The following SCAF8 variants were observed in gnomAD, a reference collection of about 807,000 sequenced individuals.
SCAF8 encodes SR-related CTD associated factor 8, also known as SR-related and CTD-associated factor 8.
Under a neutral mutation model 140.5 loss-of-function variants are expected in SCAF8, and 23 were observed. The ratio of observed to expected loss-of-function variants is 0.16; its 90% CI spans 0.12 to 0.23. The LOEUF (loss-of-function observed/expected upper bound fraction) is 0.23, where lower values mean the gene tolerates loss of function less well. Among genes scored for constraint, SCAF8 ranks in the 10% least tolerant of loss-of-function variants. SCAF8 has a pLI of 1.00. For missense variants in SCAF8, 1,397 were observed against 1,555.7 expected (o/e 0.90, Z 1.72); for synonymous variants, 575 against 528.9 (o/e 1.09, Z -1.20).
intron 15 of SCAF8, 37 bp from the exon 16 acceptor site, chr6:154,822,239 C>A: frequency 6.4e-7 from 1 of 1,571,290 alleles, no homozygotes. Flanking sequence ...AAAGTTGCAC[C>A]TATCCAAAGG....
At chr6:154,802,687 A>G (rs1324229321) in intron 7 of SCAF8, among the ~76,000 whole-genome samples, 1 of 152,186 alleles carries the variant, frequency 6.6e-6, no homozygotes, top group African/African-American at 2.4e-5. Context: ...AAAAATAACT[A>G]GTCAGTAAAA....
intron 18 of SCAF8, among the ~76,000 whole-genome samples, chr6:154,827,841 G>GT (rs1778612730): frequency 6.9e-6 from 1 of 145,742 alleles, no homozygotes; most frequent in Non-Finnish European, 1.6e-5. Flanking sequence ...GGGCGGGGGG[G>GT]GGGGCGGTGT....
chr6:154,767,698 C>T (rs1477290416), intron 1 of SCAF8, among the ~76,000 whole-genome samples: 1 of 151,842 alleles, frequency 6.6e-6, no homozygotes, highest in Non-Finnish European at 1.5e-5. Context: ...CCATGCCTGG[C>T]TAATATTTTT....
intron 1 of SCAF8, among the ~76,000 whole-genome samples, chr6:154,734,662 G>C (rs1582985467): frequency 6.6e-6 from 1 of 152,164 alleles, no homozygotes. Flanking sequence ...TTAAAAAGCA[G>C]ATTCCATTTT....
In SCAF8 at chr6:154,808,708, A is replaced by G. The variant is rs752188880; in HGVS notation, c.1136A>G (p.Gln379Arg). ...AAGGATATGGATATAGATGAAGGGC[A>G]AGATGGAGTGGAAGAGGAGGTCTTT... ...QQQDMDIDEG[Q>R]DGVEEEVFEQ... Residue 379 changes from glutamine to arginine, a missense_variant, in exon 11 of 20, where the codon CAA (glutamine) becomes CGA (arginine). Gln to Arg is a conservative substitution (Grantham distance 43, BLOSUM62 1). This residue lies in a region of SCAF8 where 339 missense variants were observed against 407.5 expected (regional missense o/e 0.83). Coordinates refer to ENST00000367178, the MANE Select transcript of SCAF8 (RefSeq NM_014892.5). 6.2e-7 allele frequency: 1 copy of G among 1,613,010 alleles called. No homozygotes were observed. The highest frequency in any genetic ancestry group is 2.2e-5 in the East Asian group (1 of 44,874).
chr6:154,784,500 C>T (rs1055846047), intron 3 of SCAF8, among the ~76,000 whole-genome samples: 4 of 152,054 alleles, frequency 2.6e-5, no homozygotes, highest in Non-Finnish European at 5.9e-5. Context: ...GTCACTCTTC[C>T]GTTTCTGTGG....
Position 154,784,117 on chromosome 6 carries a change from T to TGAGA in SCAF8, c.160-3743_160-3740dup, listed in dbSNP as rs1476096909. ...TTATATTTACTTATCTCTGGTGTCT[T>TGAGA]GAGATATATATATATATATATATAT... On this transcript the variant is annotated intron_variant, in intron 3 of 19. Coordinates refer to ENST00000367178, the MANE Select transcript of SCAF8 (RefSeq NM_014892.5). Among the ~76,000 whole-genome samples the TGAGA allele has an allele frequency of 8.7e-3, 769 of 88,624 alleles. 6 individuals carry two copies. The highest frequency in any genetic ancestry group is 0.013 in the Non-Finnish European group (601 of 45,312). The allele number at this position is 88,624 out of a possible 152,430, so 58.1% of individuals were successfully genotyped here.
At chr6:154,748,126 T>C (rs971628007) in intron 1 of SCAF8, among the ~76,000 whole-genome samples, 6 of 152,214 alleles carry the variant, frequency 3.9e-5, no homozygotes, top group African/African-American at 1.4e-4. Context: ...TAATATTTAT[T>C]TGAAAGTGAT....
At chr6:154,770,730 C>A (rs1004011370) in intron 1 of SCAF8, among the ~76,000 whole-genome samples, 8 of 152,100 alleles carry the variant, frequency 5.3e-5, no homozygotes, top group Admixed American at 5.2e-4. Flanking sequence ...AGCAGTTGGT[C>A]TTTGGTTAAA....
At chr6:154,734,260 G>A (rs1446647941) in intron 1 of SCAF8, among the ~76,000 whole-genome samples, 1 of 152,174 alleles carries the variant, frequency 6.6e-6, no homozygotes, top group Non-Finnish European at 1.5e-5. Context: ...TTCCGCCGAG[G>A]CCTGGCCCGC....
chr6:154,770,437 C>T (rs751051695), intron 1 of SCAF8, among the ~76,000 whole-genome samples: 5 of 149,994 alleles, frequency 3.3e-5, no homozygotes, highest in South Asian at 2.1e-4. Flanking sequence ...TTGAGTGTGG[C>T]GGTCCGTGCC....
At chr6:154,746,549 G>C (rs1047744165) in intron 1 of SCAF8, among the ~76,000 whole-genome samples, 1 of 152,042 alleles carries the variant, frequency 6.6e-6, no homozygotes, top group Non-Finnish European at 1.5e-5. Context: ...GTTTGTCTTC[G>C]ACAGCAAGAA....
intron 7 of SCAF8, among the ~76,000 whole-genome samples, chr6:154,803,327 CATA>C (rs781111032): frequency 1.3e-5 from 2 of 152,032 alleles, no homozygotes; most frequent in Non-Finnish European, 2.9e-5. Flanking sequence ...CTGCCTCTAT[CATA>C]ATTTGTTTTG....
At position 154,833,907 on chromosome 6, in the gene SCAF8, G is replaced by A. The variant is rs1442141718; in HGVS notation, c.*512G>A. 6.6e-6 allele frequency: 1 copy of A among 152,624 alleles called. No individual in the cohort carries two copies. Among genetic ancestry groups the A allele is most frequent in the Non-Finnish European group, 1.5e-5 (1 of 68,172 alleles). The allele number at this position is 152,624 out of a possible 1,614,324, so 9.5% of individuals were successfully genotyped here. ...GTGATTTTGTAAAATCTACACTACGGTCTCTGTTTCTCCAAAGTAAGTGTT... is the reference window on the plus strand; with the variant it reads ...GTGATTTTGTAAAATCTACACTACGATCTCTGTTTCTCCAAAGTAAGTGTT... On this transcript the variant is annotated 3_prime_UTR_variant, in exon 20 of 20. Transcript: ENST00000367178.
At chr6:154,734,741 C>A (rs1778365251) in intron 1 of SCAF8, among the ~76,000 whole-genome samples, 1 of 152,174 alleles carries the variant, frequency 6.6e-6, no homozygotes, top group South Asian at 2.1e-4. Flanking sequence ...TTTTTAAACT[C>A]CGACTTCAAT....
At chr6:154,815,843 G>A in intron 13 of SCAF8, 27 bp downstream of exon 13, 3 of 1,472,178 alleles carry the variant, frequency 2.0e-6, no homozygotes, top group Non-Finnish European at 1.9e-6. Flanking sequence ...AATAATTTAA[G>A]GTTTTAAAAA....
chr6:154,812,857 T>C (rs1483740964), intron 12 of SCAF8, among the ~76,000 whole-genome samples: 1 of 151,664 alleles, frequency 6.6e-6, no homozygotes, highest in East Asian at 1.9e-4. Flanking sequence ...CAGAACAGAG[T>C]TCAGGGAGAT....
chr6:154,803,595 C>A lies in SCAF8; in HGVS notation c.835C>A (p.Pro279Thr). The A allele has an allele frequency of 6.2e-7, 1 of 1,611,630 alleles. No homozygotes were observed. The highest frequency in any genetic ancestry group is 8.5e-7 in the Non-Finnish European group (1 of 1,178,982). ...FGEDSEHSEE[P>T]KKEIPASQLS... ...GGAAGACTCTGAGCATAGTGAAGAA[C>A]CCAAAAAGGAAATTCCAGCTTCACA... The change falls in exon 8 of 20, where the codon CCC becomes ACC. Residue 279 changes from proline (P) to threonine (T), a missense_variant. Physicochemically the swap from Pro to Thr is conservative, Grantham distance 38 (BLOSUM62 -1). This residue lies in a region of SCAF8 where 339 missense variants were observed against 407.5 expected (regional missense o/e 0.83). Transcript: ENST00000367178.
At chr6:154,786,294 G>A (rs1777256574) in intron 3 of SCAF8, among the ~76,000 whole-genome samples, 1 of 152,186 alleles carries the variant, frequency 6.6e-6, no homozygotes, top group South Asian at 2.1e-4. Context: ...CGCAGAACTG[G>A]TTGAGCCAGA....
Sources: gnomAD v4.1 joint callset for allele counts (sites outside exome capture counted in the v4.1 genomes callset) on GRCh38, gnomAD v4.1.1 for gene constraint, gnomAD v4.1.1 regional missense constraint, MANE v1.5 for transcripts, NCBI Gene and HGNC (gene_info 2026-07-23, HGNC 2026-07-21) for gene names.